SEPTIN6: variants seen among roughly 807,000 people sequenced by gnomAD.
SEPTIN6 encodes septin-6.
A neutral mutation model predicts 33.6 loss-of-function variants in SEPTIN6; 8 were observed. The ratio of observed to expected loss-of-function variants is 0.24; its 90% CI spans 0.14 to 0.43. The LOEUF (loss-of-function observed/expected upper bound fraction) is 0.43, where lower values mean the gene tolerates loss of function less well. SEPTIN6 is among the 20% of genes least tolerant of loss of function. The pLI is 1.00. For synonymous variants in SEPTIN6, 131 were observed against 140.0 expected, an observed-to-expected ratio of 0.94 and a Z score of 0.45; for missense variants, 250 against 340.8, an observed-to-expected ratio of 0.73 and a Z score of 2.10.
In SEPTIN6 at chrX:119,665,874, G is replaced by A. The variant is rs754699694; in HGVS notation, c.146-2197C>T. ...AGGTGGGTGGATCACGAGGTCAGGA[G>A]ATCGAGACCATCCTGGCTAACACGG... On this transcript the variant is annotated intron_variant, in intron 2 of 10. Coordinates refer to ENST00000394610, the MANE Select transcript of SEPTIN6 (RefSeq NM_145799.4). Among the ~76,000 whole-genome samples, 3 of 110,386 alleles carry A rather than the reference G, an allele frequency of 2.7e-5. No individual in the cohort carries two copies. The Admixed American group carries it at 2.9e-4, about 11-fold the overall frequency.
intron 1 of SEPTIN6, among the ~76,000 whole-genome samples, chrX:119,692,465 C>G (rs980979302): frequency 1.8e-5 from 2 of 111,662 alleles, no homozygotes; most frequent in Non-Finnish European, 3.8e-5. Flanking sequence ...AACCCCGGCG[C>G]CGCCGCCGCC....
chrX:119,664,878 C>G (rs1309728063), intron 2 of SEPTIN6, among the ~76,000 whole-genome samples: 13 of 104,623 alleles, frequency 1.2e-4, no homozygotes, highest in Admixed American at 4.1e-4. Context: ...GGTCCCTTGT[C>G]AAACAAATAT....
chrX:119,666,627 G>A (rs1008194962), intron 2 of SEPTIN6, among the ~76,000 whole-genome samples: 1 of 111,563 alleles, frequency 9.0e-6, no homozygotes, highest in South Asian at 3.7e-4. Flanking sequence ...CAATTTCATA[G>A]CCAGGTCTGA....
At chrX:119,640,525 T>A in intron 6 of SEPTIN6, among the ~76,000 whole-genome samples, 167 bp downstream of exon 6, 1 of 109,450 alleles carries the variant, frequency 9.1e-6, no homozygotes, top group Non-Finnish European at 1.9e-5. Context: ...CATCCCAGTA[T>A]GGAGCCAGAG....
At chrX:119,630,029 A>G (rs755156480) in intron 8 of SEPTIN6, among the ~76,000 whole-genome samples, 42 of 111,729 alleles carry the variant, frequency 3.8e-4, no homozygotes, top group Non-Finnish European at 7.0e-4. Flanking sequence ...CTGAGGCAGA[A>G]GAATCACCTG....
At position 119,670,560 on chromosome X, in the gene SEPTIN6, CAAA is replaced by C. The variant is rs764828469; in HGVS notation, c.145+4991_145+4993del. ...TGGGTGACAGAGTGAGACTCTGTCT[CAAA>C]AAAAAAAAAAAAAAAAGAAGAAGAA... On this transcript the variant is annotated intron_variant, in intron 2 of 10. Coordinates refer to ENST00000394610, the MANE Select transcript of SEPTIN6 (RefSeq NM_145799.4). 4.5e-4 allele frequency among the ~76,000 whole-genome samples: 18 copies of C among 39,572 alleles called. No individual in the cohort carries two copies. In the East Asian group the frequency reaches 8.9e-3, roughly 20 times the overall value. The allele number at this position is 39,572 out of a possible 115,157, so 34.4% of individuals were successfully genotyped here.
intron 2 of SEPTIN6, among the ~76,000 whole-genome samples, chrX:119,665,088 C>A (rs982411722): frequency 9.8e-5 from 10 of 101,952 alleles, no homozygotes; most frequent in South Asian, 4.2e-4. Context: ...CACAAAAATT[C>A]TTCTTCTTCT....
intron 4 of SEPTIN6, among the ~76,000 whole-genome samples, chrX:119,652,632 A>G (rs956494173): frequency 9.0e-6 from 1 of 111,532 alleles, no homozygotes; most frequent in East Asian, 2.8e-4. Context: ...AAGAGGGATC[A>G]GGGCAGAAAG....
At chrX:119,680,101 TG>T (rs2054924283) in intron 1 of SEPTIN6, among the ~76,000 whole-genome samples, 2 of 111,419 alleles carry the variant, frequency 1.8e-5, no homozygotes, top group African/African-American at 6.5e-5. Context: ...AAGTAATCAA[TG>T]TTCACTGTAG....
intron 3 of SEPTIN6, among the ~76,000 whole-genome samples, chrX:119,654,189 C>T (rs896282409): frequency 1.8e-5 from 2 of 111,717 alleles, no homozygotes; most frequent in East Asian, 2.8e-4. Context: ...ACACGCGGCT[C>T]CTCTAGGTGG....
chrX:119,693,157 T>C lies in SEPTIN6; in HGVS notation c.-52A>G. On this transcript the variant is annotated 5_prime_UTR_variant, in exon 1 of 11. Transcript: ENST00000394610. ...CGGGTGCCGCCGCAACGGGAGCTAC[T>C]GCACAGGAAACAGAGGAGCTCCTCC... 1 of 1,142,345 alleles carries C rather than the reference T, an allele frequency of 8.8e-7. No individual in the cohort carries two copies. Among genetic ancestry groups the C allele is most frequent in the Non-Finnish European group, 1.2e-6 (1 of 850,576 alleles). The allele number at this position is 1,142,345 out of a possible 1,213,427, so 94.1% of individuals were successfully genotyped here. A position where few individuals can be genotyped will look rare whatever the true frequency, so the allele number is the denominator to read the frequency against.
At chrX:119,691,404 T>A (rs2055170202) in intron 1 of SEPTIN6, among the ~76,000 whole-genome samples, 1 of 111,954 alleles carries the variant, frequency 8.9e-6, no homozygotes, top group Non-Finnish European at 1.9e-5. Context: ...AGCTATACCA[T>A]CTCTGAAATG....
intron 3 of SEPTIN6, among the ~76,000 whole-genome samples, chrX:119,654,516 G>A (rs1422103748): frequency 9.0e-6 from 1 of 111,263 alleles, no homozygotes; most frequent in Non-Finnish European, 1.9e-5. Flanking sequence ...ATCAAAGGAG[G>A]AGCTGAGCCC....
chrX:119,616,379 C>CGAA (rs1180286163), downstream of SEPTIN6: 3 of 382,579 alleles, frequency 7.8e-6, no homozygotes, highest in Non-Finnish European at 1.4e-5. Context: ...ACAGTACTTT[C>CGAA]ATACCCACAG....
intron 1 of SEPTIN6, among the ~76,000 whole-genome samples, chrX:119,689,834 G>T (rs2055130762): frequency 9.1e-6 from 1 of 109,341 alleles, no homozygotes; most frequent in Non-Finnish European, 1.9e-5. Flanking sequence ...GGGTTCAAGC[G>T]ATTCTTCTGC....
At position 119,645,459 on chromosome X, in the gene SEPTIN6, G is replaced by A. The variant is rs1292442128; in HGVS notation, c.690+4478C>T. Among the ~76,000 whole-genome samples the A allele has an allele frequency of 5.5e-5, 6 of 108,170 alleles. No individual in the cohort carries two copies. In the East Asian group the frequency reaches 1.8e-3, roughly 32 times the overall value. The allele number at this position is 108,170 out of a possible 115,157, so 93.9% of individuals were successfully genotyped here. ...GGTGCCCAGGCTGGAGTGCAATGGC[G>A]TGATCTCAGCTCACCACAACCTCCG... On this transcript the variant is annotated intron_variant, in intron 5 of 10. Transcript: ENST00000394610.
chrX:119,691,596 T>G (rs2055172907), intron 1 of SEPTIN6, among the ~76,000 whole-genome samples: 1 of 111,920 alleles, frequency 8.9e-6, no homozygotes, highest in South Asian at 3.7e-4. Context: ...TGCTCTGTGC[T>G]AGGGTGTGCA....
In SEPTIN6 at chrX:119,652,843, G is replaced by C. The variant is rs181710405; in HGVS notation, c.528+11C>G. ...GTGAGCCCCCAGCGCCCCCGCCCCT[G>C]CCTCCTATACCTTACTGTCCAGCTT... On this transcript the variant is annotated intron_variant, in intron 4 of 10. Coordinates refer to ENST00000394610, the MANE Select transcript of SEPTIN6 (RefSeq NM_145799.4). 1.5e-3 allele frequency: 1,789 copies of C among 1,199,685 alleles called. 11 individuals are homozygous for C. The highest frequency in any genetic ancestry group is 0.011 in the South Asian group (620 of 55,967).
chrX:119,671,853 T>C (rs895197865), intron 2 of SEPTIN6, among the ~76,000 whole-genome samples: 1 of 112,444 alleles, frequency 8.9e-6, no homozygotes, highest in Non-Finnish European at 1.9e-5. Flanking sequence ...GGAGTAAATG[T>C]ACACAGGCAG....
Sources: allele counts gnomAD v4.1 joint callset (sites outside exome capture counted in the v4.1 genomes callset), GRCh38; gene constraint gnomAD v4.1.1; transcripts MANE v1.5; gene names NCBI Gene and HGNC (gene_info 2026-07-23, HGNC 2026-07-21).